Variants in ABCB7 observed in about 807,000 individuals in gnomAD.
ABCB7 encodes the protein ATP binding cassette subfamily B member 7, also known as iron-sulfur clusters transporter ABCB7, mitochondrial.
A neutral mutation model predicts 54.4 loss-of-function variants in ABCB7; 7 were observed. That is an observed-to-expected ratio of 0.13 (90% CI 0.07 to 0.24). The LOEUF is 0.24. Among genes scored for constraint, ABCB7 ranks in the 10% least tolerant of loss-of-function variants. The pLI, the probability that ABCB7 is intolerant of heterozygous loss-of-function variation, is 1.00. For synonymous variants in ABCB7, 218 were observed against 207.1 expected, an observed-to-expected ratio of 1.05 and a Z score of -0.45; for missense variants, 356 against 570.4, an observed-to-expected ratio of 0.62 and a Z score of 3.83.
At chrX:75,135,439 T>C (rs1053986534) in intron 1 of ABCB7, among the ~76,000 whole-genome samples, 3 of 111,030 alleles carry the variant, frequency 2.7e-5, no homozygotes, top group Non-Finnish European at 5.7e-5. Context: ...ATTCAAAAAA[T>C]AGAAGAGGAG....
At chrX:75,125,827 G>C (rs954035836) in intron 1 of ABCB7, among the ~76,000 whole-genome samples, 6 of 109,837 alleles carry the variant, frequency 5.5e-5, no homozygotes, top group African/African-American at 2.0e-4. Context: ...AAAAAATATG[G>C]TAAAGCCACT....
chrX:75,066,561 C>T (rs760044467), intron 12 of ABCB7, among the ~76,000 whole-genome samples: 1 of 111,002 alleles, frequency 9.0e-6, no homozygotes, highest in East Asian at 2.8e-4. Context: ...GTCACAAAAA[C>T]ATGGGTAACT....
chrX:75,097,977 T>C (rs1032142385), intron 4 of ABCB7, among the ~76,000 whole-genome samples: 3 of 111,579 alleles, frequency 2.7e-5, no homozygotes, highest in Non-Finnish European at 3.8e-5. Flanking sequence ...GACAATATAG[T>C]ATACCTACAA....
At chrX:75,109,861 T>G (rs1482857332) in intron 3 of ABCB7, among the ~76,000 whole-genome samples, 1 of 111,607 alleles carries the variant, frequency 9.0e-6, no homozygotes, top group Non-Finnish European at 1.9e-5. Context: ...AGAAACCACT[T>G]CAGTACTATT....
At chrX:75,083,109 TA>T (rs916278579) in intron 4 of ABCB7, among the ~76,000 whole-genome samples, 3 of 111,411 alleles carry the variant, frequency 2.7e-5, no homozygotes, top group Non-Finnish European at 5.7e-5. Flanking sequence ...CCTCATCAAG[TA>T]AAAAAAATTC....
Position 75,065,365 on chromosome X carries a change from T to TTC in ABCB7, c.1660-126_1660-125dup, listed in dbSNP as rs918170289. On this transcript the variant is annotated intron_variant, in intron 12 of 15. Transcript: ENST00000373394. ...TAAAGGGTAAAACATGACAGTCCCT[T>TTC]TCATCATCCCTCATCTGCAAAATCC... The TTC allele has an allele frequency of 1.2e-5, 8 of 652,652 alleles. No individual in the cohort carries two copies. In the Admixed American group the frequency reaches 2.6e-4, roughly 21 times the overall value. 53.8% of individuals were successfully genotyped at this position (652,652 alleles called of 1,213,427 possible). A position where few individuals can be genotyped will look rare whatever the true frequency, so the allele number is the denominator to read the frequency against.
intron 1 of ABCB7, among the ~76,000 whole-genome samples, chrX:75,129,608 T>A (rs1179821874): frequency 3.8e-5 from 4 of 105,523 alleles, no homozygotes; most frequent in Non-Finnish European, 5.8e-5. Context: ...ATATATATAA[T>A]ATATATATAT....
intron 6 of ABCB7, among the ~76,000 whole-genome samples, chrX:75,074,365 A>T (rs1421760686): frequency 8.9e-6 from 1 of 112,005 alleles, no homozygotes. Context: ...GATGTTGTCA[A>T]GGTTGCAGAG....
Position 75,075,425 on chromosome X carries a change from C to G in ABCB7, c.792G>C (p.Leu264=), listed in dbSNP as rs748740661. Residue 264 remains leucine, a synonymous_variant, in exon 6 of 16, where the codon CTG becomes CTC. Transcript: ENST00000373394. The part of the protein sequence containing the change: ...DRGTRGISFV[L]SALVFNLLPI... Reference sequence around the variant, plus strand: ...GAAGAAGATTAAATACCAAAGCACTCAGGACAAAACTGATACCCCTTGTTC... The same window carrying G: ...GAAGAAGATTAAATACCAAAGCACTGAGGACAAAACTGATACCCCTTGTTC... The G allele has an allele frequency of 3.3e-6, 4 of 1,210,665 alleles. No individual in the cohort carries two copies. In the South Asian group the frequency reaches 7.0e-5, roughly 21 times the overall value.
At chrX:75,133,180 C>T (rs976613875) in intron 1 of ABCB7, among the ~76,000 whole-genome samples, 1 of 111,835 alleles carries the variant, frequency 8.9e-6, no homozygotes, top group African/African-American at 3.3e-5. Context: ...TACAAGATTT[C>T]GAAACACAAG....
chrX:75,134,243 A>G lies in ABCB7; in HGVS notation c.169-19412T>C, dbSNP rs189424339. On this transcript the variant is annotated intron_variant, in intron 1 of 15. Coordinates refer to ENST00000373394, the MANE Select transcript of ABCB7 (RefSeq NM_001271696.3). ...CAAAAAGGACAAAGAAGGGCATTAC[A>G]TAATGATAGAGGGTTCAATTCAACA... 2.6e-3 allele frequency among the ~76,000 whole-genome samples: 296 copies of G among 112,006 alleles called. 1 individual carries two copies. The highest frequency in any genetic ancestry group is 3.3e-3 in the Non-Finnish European group (175 of 53,164).
At position 75,156,283 on chromosome X, in the gene ABCB7, G is replaced by A. The variant is rs1187756600; in HGVS notation, c.-11C>T. ...CGCGAGCAGCGCCATCTTGAGCGAG[G>A]AAAGAGGAACCGAGAGAAGAGGATT... On this transcript the variant is annotated 5_prime_UTR_variant, in exon 1 of 16. Coordinates refer to ENST00000373394, the MANE Select transcript of ABCB7 (RefSeq NM_001271696.3). 1.0e-5 allele frequency: 12 copies of A among 1,198,487 alleles called. No individual in the cohort carries two copies. Among genetic ancestry groups the A allele is most frequent in the Non-Finnish European group, 1.3e-5 (12 of 889,684 alleles).
chrX:75,127,568 G>A (rs5981771), intron 1 of ABCB7, among the ~76,000 whole-genome samples: 1,251 of 111,524 alleles, frequency 0.011, 15 homozygotes, highest in African/African-American at 0.039. Flanking sequence ...AGGGCAATCA[G>A]GCAAGAGAAA....
In ABCB7 at chrX:75,084,924, G is replaced by T. The variant is rs1251613641; in HGVS notation, c.454-8270C>A. The stretch of plus-strand genomic sequence containing the variant: ...AGAGAAATGTAAATTAAAACCACAA[G>T]ATACCACCATTCACCTGACAATACC... On this transcript the variant is annotated intron_variant, in intron 4 of 15. Coordinates refer to ENST00000373394, the MANE Select transcript of ABCB7 (RefSeq NM_001271696.3). 2.7e-5 allele frequency among the ~76,000 whole-genome samples: 3 copies of T among 111,961 alleles called. No homozygotes were observed. In the East Asian group the frequency reaches 8.4e-4, roughly 31 times the overall value.
chrX:75,121,513 GA>G (rs1283492375), intron 1 of ABCB7, among the ~76,000 whole-genome samples: 1 of 110,981 alleles, frequency 9.0e-6, no homozygotes, highest in Non-Finnish European at 1.9e-5. Context: ...AATTTAGACT[GA>G]CTGCTTGTTC....
intron 1 of ABCB7, among the ~76,000 whole-genome samples, chrX:75,132,915 A>C (rs1398276200): frequency 9.0e-6 from 1 of 111,508 alleles, no homozygotes; most frequent in African/African-American, 3.3e-5. Flanking sequence ...GGCAACTCTA[A>C]AGGCCAGAGT....
rs150016427 is a variant in ABCB7, at chrX:75,095,362, A to G, written c.453+3580T>C. Among the ~76,000 whole-genome samples the G allele has an allele frequency of 4.5e-3, 510 of 112,260 alleles. 2 individuals are homozygous for G. The highest frequency in any genetic ancestry group is 0.016 in the African/African-American group (491 of 30,952). ...GAGGTGTTTATATGCCAAAGCATAT[A>G]TTCAGGTTTGATGAAAAATAGGAAG... On this transcript the variant is annotated intron_variant, in intron 4 of 15. Transcript: ENST00000373394.
intron 15 of ABCB7, among the ~76,000 whole-genome samples, chrX:75,057,513 T>C (rs1277286022): frequency 9.1e-6 from 1 of 110,496 alleles, no homozygotes. Context: ...ACTTTTTTTT[T>C]CTTCTGTCCT....
chrX:75,096,216 C>T (rs186307557), intron 4 of ABCB7, among the ~76,000 whole-genome samples: 56 of 111,946 alleles, frequency 5.0e-4, no homozygotes, highest in African/African-American at 1.7e-3. Context: ...TTCAACAATA[C>T]GTACTAAAAT....
Sources: gnomAD v4.1 joint callset for allele counts (sites outside exome capture counted in the v4.1 genomes callset) on GRCh38, gnomAD v4.1.1 for gene constraint, MANE v1.5 for transcripts, NCBI Gene and HGNC (gene_info 2026-07-23, HGNC 2026-07-21) for gene names.